Variants in MYH10 observed in about 807,000 individuals in gnomAD.
MYH10 encodes the protein myosin-10.
A neutral mutation model predicts 257.8 loss-of-function variants in MYH10; 55 were observed. That is an observed-to-expected ratio of 0.21 (90% CI 0.17 to 0.27). The LOEUF (loss-of-function observed/expected upper bound fraction) is 0.27, where lower values mean the gene tolerates loss of function less well. Ranked by LOEUF, MYH10 falls within the 10% of genes least tolerant of loss-of-function variation. MYH10 has a pLI of 1.00. For synonymous variants in MYH10, 854 were observed against 921.7 expected (o/e 0.93, Z 1.33); for missense variants, 1,631 against 2,500.6 (o/e 0.65, Z 7.42).
chr17:8,546,160 G>C (rs1203660803), intron 12 of MYH10, among the ~76,000 whole-genome samples: 14 of 151,874 alleles, frequency 9.2e-5, no homozygotes. Flanking sequence ...CTGGGTTCAA[G>C]CAATTCTCCC....
intron 30 of MYH10, among the ~76,000 whole-genome samples, chr17:8,497,738 CAAAAAAAAAAAAAA>C (rs559562540): frequency 1.8e-5 from 1 of 56,874 alleles, no homozygotes; most frequent in African/African-American, 7.4e-5. Flanking sequence ...GACTCTGTCT[CAAAAAAAAAAAAAA>C]AAAAAAAAAA....
At chr17:8,498,687 A>C (rs1403947381) in intron 30 of MYH10, among the ~76,000 whole-genome samples, 1 of 152,014 alleles carries the variant, frequency 6.6e-6, no homozygotes, top group East Asian at 1.9e-4. Flanking sequence ...CTCTACTAAA[A>C]AATTCAAAAA....
At chr17:8,546,783 T>A (rs1314670452) in intron 11 of MYH10, 121 bp from the exon 12 acceptor site, 2 of 672,246 alleles carry the variant, frequency 3.0e-6, no homozygotes, top group Non-Finnish European at 4.7e-6. Context: ...TAAATAAAAG[T>A]CTTAAAATCA....
At chr17:8,543,013 C>T (rs2082333808) in intron 13 of MYH10, among the ~76,000 whole-genome samples, 1 of 152,094 alleles carries the variant, frequency 6.6e-6, no homozygotes, top group Non-Finnish European at 1.5e-5. Context: ...GTGAACTCTG[C>T]CCATTTTTTA....
intron 2 of MYH10, among the ~76,000 whole-genome samples, chr17:8,613,166 A>T (rs1039999860): frequency 6.6e-6 from 1 of 152,334 alleles, no homozygotes. Flanking sequence ...CGAAAGGCAG[A>T]ACCCGATGCA....
intron 3 of MYH10, among the ~76,000 whole-genome samples, chr17:8,603,786 A>G (rs560541151): frequency 3.9e-5 from 6 of 152,274 alleles, no homozygotes; most frequent in African/African-American, 1.2e-4. Context: ...TTGAACTCCA[A>G]AAAAAGATTA....
chr17:8,576,005 G>C (rs2083484236), intron 6 of MYH10, among the ~76,000 whole-genome samples: 1 of 152,166 alleles, frequency 6.6e-6, no homozygotes, highest in Non-Finnish European at 1.5e-5. Flanking sequence ...TTATAGAGAT[G>C]AGGTCTTGCT....
chr17:8,498,796 A>C (rs1213627316), intron 30 of MYH10, among the ~76,000 whole-genome samples: 1 of 152,068 alleles, frequency 6.6e-6, no homozygotes, highest in Non-Finnish European at 1.5e-5. Context: ...TGCAGTGAGC[A>C]GAGATTGCGC....
chr17:8,575,426 C>G (rs2083467987), intron 6 of MYH10, among the ~76,000 whole-genome samples: 2 of 152,158 alleles, frequency 1.3e-5, no homozygotes, highest in African/African-American at 4.8e-5. Flanking sequence ...GATTTTCCTT[C>G]TTTAATTGGC....
rs755294912 is a variant in MYH10 at position 8,506,378 on chromosome 17, A to G, written c.3326T>C (p.Ile1109Thr). The change falls in exon 27 of 43, where the codon ATT (isoleucine) becomes ACT (threonine). Residue 1109 changes from isoleucine (I) to threonine (T), a missense_variant. Ile to Thr is a moderately conservative substitution (Grantham distance 89). Transcript: ENST00000360416. This position sits in a 1 kb window ranked among gnomAD's most constrained non-coding sequence, Gnocchi z 5.0. ...QDQIAELQAQ[I>T]DELKLQLAKK... ...GGCCAGCTGCAGCTTGAGCTCATCA[A>G]TCTGCGCCTGCAGCTCTGCGATCTG... The G allele has an allele frequency of 2.0e-5, 33 of 1,611,440 alleles. 1 individual carries two copies. The highest frequency in any genetic ancestry group is 4.4e-5 in the South Asian group (4 of 90,650).
intron 28 of MYH10, among the ~76,000 whole-genome samples, chr17:8,503,051 G>A (rs2080954006): frequency 6.6e-6 from 1 of 152,242 alleles, no homozygotes; most frequent in Non-Finnish European, 1.5e-5. Context: ...GGGAGGCCAA[G>A]GCGGGCGGAT....
intron 7 of MYH10, chr17:8,561,511 C>T (rs989084411): frequency 5.5e-6 from 8 of 1,445,800 alleles, no homozygotes; most frequent in Non-Finnish European, 4.8e-6. Context: ...CCGCAAGGAC[C>T]GAACACCCCC....
intron 40 of MYH10, among the ~76,000 whole-genome samples, chr17:8,479,625 C>T (rs567456100): frequency 1.3e-5 from 2 of 152,340 alleles, no homozygotes; most frequent in Admixed American, 6.5e-5. Context: ...GCTCTGGGCG[C>T]TATGACCTAA....
chr17:8,533,665 A>G (rs2082063682), intron 16 of MYH10, among the ~76,000 whole-genome samples: 1 of 152,142 alleles, frequency 6.6e-6, no homozygotes, highest in African/African-American at 2.4e-5. Flanking sequence ...GAAAATTTGC[A>G]TCCTCTCATC....
chr17:8,550,742 G>A (rs1714736285), intron 9 of MYH10, among the ~76,000 whole-genome samples: 2 of 151,928 alleles, frequency 1.3e-5, no homozygotes, highest in South Asian at 2.1e-4. Flanking sequence ...GATGGTTGCC[G>A]TGTCTGTGTA....
chr17:8,481,391 C>T lies in MYH10; in HGVS notation c.5195G>A (p.Arg1732Gln), dbSNP rs762128215. 2.5e-5 allele frequency: 40 copies of T among 1,613,922 alleles called. 1 individual carries two copies. The highest frequency in any genetic ancestry group is 2.0e-4 in the East Asian group (9 of 44,898). Residue 1732 changes from arginine (R) to glutamine (Q), a missense_variant, in exon 38 of 43, where the codon CGA (arginine) becomes CAA (glutamine). Around this residue, in one of 11 missense-constraint regions of MYH10, gnomAD observed 343 missense variants for 389.5 expected, o/e 0.88. Transcript: ENST00000360416. ...CTCCTGCTCGGCGTGTCGGCGGGCT[C>T]GCTCAGATGAGGCAAGTTCCTAAGC... ...QLQEELASSE[R>Q]ARRHAEQERD...
chr17:8,526,627 T>C (rs78886459), intron 17 of MYH10, among the ~76,000 whole-genome samples: 3 of 48,654 alleles, frequency 6.2e-5, no homozygotes, highest in Admixed American at 1.8e-4. Context: ...CATATTCGCA[T>C]AGCTTTAAGA....
At chr17:8,522,368 C>T (rs1433851588) in intron 17 of MYH10, among the ~76,000 whole-genome samples, 2 of 152,160 alleles carry the variant, frequency 1.3e-5, no homozygotes, top group East Asian at 3.9e-4. Context: ...AAGTGAACTG[C>T]TCAAGTTATG....
At chr17:8,629,365 C>A (rs2085807235) in intron 1 of MYH10, among the ~76,000 whole-genome samples, 3 of 141,308 alleles carry the variant, frequency 2.1e-5, no homozygotes, top group Admixed American at 7.4e-5. Flanking sequence ...CCACCCCCTT[C>A]CATCCACCGC....
Sources: gnomAD v4.1 joint callset for allele counts (sites outside exome capture counted in the v4.1 genomes callset) on GRCh38, gnomAD v4.1.1 for gene constraint, gnomAD v4.1.1 regional missense constraint, Gnocchi (gnomAD v3.1) non-coding constraint, MANE v1.5 for transcripts, NCBI Gene and HGNC (gene_info 2026-07-23, HGNC 2026-07-21) for gene names.